The following C5 variants were observed in gnomAD, a reference collection of about 807,000 sequenced individuals.
The protein encoded by C5 is C3 and PZP-like alpha-2-macroglobulin domain-containing protein 4.
In C5, 140 loss-of-function variants were observed where a neutral mutation model predicts 218.8. The observed-to-expected ratio is 0.64, with a 90% CI of 0.56 to 0.74. C5 has a LOEUF of 0.74. Among genes scored for constraint, C5 ranks in the 30% least tolerant of loss-of-function variants. The pLI, the probability that C5 is intolerant of heterozygous loss-of-function variation, is 0.00. For missense variants in C5, 1,700 were observed against 1,969.6 expected (o/e 0.86, Z 2.59); for synonymous variants, 614 against 682.3 (o/e 0.90, Z 1.56).
rs1564154714 is a variant in C5, at chr9:121,020,159, A to G, written c.1323T>C (p.Asp441=). ...LEFNVKTDAP[D]LPEENQAREG... is the part of the protein sequence containing the mutation. ...CCCTGGCCTGATTTTCTTCTGGAAG[A>G]TCTGGAGCATCAGTTTTGACCTGAA... The change falls in exon 12 of 41, where the codon GAT becomes GAC. Residue 441 remains aspartate, a synonymous_variant. Coordinates refer to ENST00000223642, the MANE Select transcript of C5 (RefSeq NM_001735.3). The G allele has an allele frequency of 5.0e-6, 8 of 1,613,960 alleles. No individual in the cohort carries two copies. The highest frequency in any genetic ancestry group is 6.8e-6 in the Non-Finnish European group (8 of 1,179,844).
At chr9:121,043,841 C>T (rs1365398665) in intron 2 of C5, among the ~76,000 whole-genome samples, 2 of 151,628 alleles carry the variant, frequency 1.3e-5, no homozygotes, top group Non-Finnish European at 2.9e-5. Flanking sequence ...AGTCACCGTG[C>T]CCATGTGTCC....
At chr9:121,015,938 G>A (rs2047303396) in intron 15 of C5, among the ~76,000 whole-genome samples, 1 of 152,248 alleles carries the variant, frequency 6.6e-6, no homozygotes, top group South Asian at 2.1e-4. Flanking sequence ...AATAAATAAA[G>A]GCCCAAAGGT....
At position 121,017,734 on chromosome 9, in the gene C5, A is replaced by G. The variant is rs777267166; in HGVS notation, c.1625T>C (p.Val542Ala). ...QNMVPSSRLLVYYIVTGEQTA... is the reference protein window; with the variant it reads ...QNMVPSSRLLAYYIVTGEQTA... ...CTGTTCTCCTGTGACGATGTAATAG[A>G]CCAGAAGTCGGGATGAAGGAACCAT... Residue 542 changes from valine (V) to alanine (A), a missense_variant, in exon 13 of 41, where the codon GTC becomes GCC. Physicochemically the swap from Val to Ala is moderately conservative, Grantham distance 64. Coordinates refer to ENST00000223642, the MANE Select transcript of C5 (RefSeq NM_001735.3). 6.2e-7 allele frequency: 1 copy of G among 1,612,388 alleles called. No individual in the cohort carries two copies. The highest frequency in any genetic ancestry group is 1.1e-5 in the South Asian group (1 of 91,034).
chr9:120,976,989 C>A (rs2046958520), intron 28 of C5, 84 bp from the exon 29 acceptor site: 3 of 1,192,276 alleles, frequency 2.5e-6, no homozygotes, highest in Admixed American at 1.9e-5. Context: ...TTATGGCCTT[C>A]CAGTTTCTAG....
In C5 at chr9:120,963,741, A is replaced by G. The variant is rs2046845575; in HGVS notation, c.4221-3T>C. ...ATTCTTCCCTGCTGGGCTTGTAGCT[A>G]AAATAAAAAAGAGGTTAGAAAATAT... On this transcript the variant is annotated splice_polypyrimidine_tract_variant and splice_region_variant and intron_variant, in intron 33 of 40. Transcript: ENST00000223642. 6.2e-7 allele frequency: 1 copy of G among 1,605,146 alleles called. No individual in the cohort carries two copies. Among genetic ancestry groups the G allele is most frequent in the Non-Finnish European group, 8.5e-7 (1 of 1,172,226 alleles).
At chr9:121,074,702 C>A in the C5 span, 1 of 423,386 alleles carries the variant, frequency 2.4e-6, no homozygotes, top group East Asian at 7.0e-5. Flanking sequence ...GCACTGCGGG[C>A]AGCTGCCGCA....
intron 12 of C5, among the ~76,000 whole-genome samples, chr9:121,019,742 AAC>A (rs1447452086): frequency 1.3e-5 from 2 of 152,368 alleles, no homozygotes; most frequent in Middle Eastern, 3.4e-3. Flanking sequence ...CCAGCTGAGT[AAC>A]CATCATAAGT....
intron 4 of C5, among the ~76,000 whole-genome samples, chr9:121,036,850 G>A (rs1251287684): frequency 6.6e-6 from 1 of 151,624 alleles, no homozygotes; most frequent in African/African-American, 2.4e-5. Context: ...TTTTGCACCT[G>A]CATTCTGATA....
intron 33 of C5, among the ~76,000 whole-genome samples, chr9:120,966,787 TA>T (rs1235001441): frequency 2.0e-5 from 3 of 150,846 alleles, no homozygotes; most frequent in Non-Finnish European, 4.4e-5. Flanking sequence ...CAGAAGGAAG[TA>T]GGAAATGCTG....
intron 17 of C5, among the ~76,000 whole-genome samples, chr9:121,012,776 C>T (rs988246828): frequency 3.3e-5 from 5 of 152,112 alleles, no homozygotes; most frequent in African/African-American, 9.7e-5. Context: ...TATAGTATAG[C>T]CTATTTCTCC....
chr9:120,994,880 A>G (rs2131720177), intron 22 of C5, among the ~76,000 whole-genome samples: 1 of 151,814 alleles, frequency 6.6e-6, no homozygotes, highest in African/African-American at 2.4e-5. Context: ...ACTGCTCTGG[A>G]AAATTGTTTG....
chr9:121,050,199 G>C lies in C5; in HGVS notation c.48C>G (p.Thr16=), dbSNP rs1330680346. The C allele has an allele frequency of 1.9e-6, 3 of 1,613,732 alleles. No individual in the cohort carries two copies. The highest frequency in any genetic ancestry group is 4.5e-5 in the East Asian group (2 of 44,850). ...TTACTTACGTTTGCTCCTGTCCCCA[G>C]GTTTTCCCCAGGAAGATTAAAAAAC... ...ILCFLIFLGK[T]WGQEQTYVIS... The change falls in exon 1 of 41, where the codon ACC becomes ACG. Residue 16 remains threonine (T), a synonymous_variant. Coordinates refer to ENST00000223642, the MANE Select transcript of C5 (RefSeq NM_001735.3).
intron 3 of C5, among the ~76,000 whole-genome samples, chr9:121,041,913 G>A (rs2047584852): frequency 1.3e-5 from 2 of 152,094 alleles, no homozygotes; most frequent in African/African-American, 4.8e-5. Context: ...CCCCCTTTAG[G>A]CTTTTCCTTT....
chr9:121,020,399 C>A (rs2131770984), intron 11 of C5, among the ~76,000 whole-genome samples: 1 of 152,120 alleles, frequency 6.6e-6, no homozygotes, highest in East Asian at 1.9e-4. Flanking sequence ...TGGGCTATGG[C>A]GGAAAAGTCT....
intron 20 of C5, among the ~76,000 whole-genome samples, chr9:120,998,240 A>G (rs966153912): frequency 6.6e-6 from 1 of 152,224 alleles, no homozygotes; most frequent in African/African-American, 2.4e-5. Flanking sequence ...ATTTCCTAAC[A>G]TAGACACACA....
intron 25 of C5, among the ~76,000 whole-genome samples, chr9:120,983,596 T>C (rs2047011544): frequency 6.6e-6 from 1 of 152,120 alleles, no homozygotes; most frequent in Non-Finnish European, 1.5e-5. Flanking sequence ...CCTCACATGA[T>C]TCAAAAATCC....
intron 17 of C5, among the ~76,000 whole-genome samples, chr9:121,012,969 G>A (rs990512323): frequency 1.3e-5 from 2 of 152,092 alleles, no homozygotes; most frequent in African/African-American, 2.4e-5. Flanking sequence ...ATGTCATTAC[G>A]CAGCACACAT....
the C5 span, among the ~76,000 whole-genome samples, chr9:121,066,065 A>T: frequency 6.6e-6 from 1 of 152,124 alleles, no homozygotes; most frequent in Non-Finnish European, 1.5e-5. Context: ...CTGTAATCCC[A>T]GCATTTTGGG....
In C5 at chr9:121,023,404, C is replaced by T; in HGVS notation, c.1116G>A (p.Lys372=). 6.3e-7 allele frequency: 1 copy of T among 1,581,284 alleles called. No individual in the cohort carries two copies. The highest frequency in any genetic ancestry group is 8.7e-7 in the Non-Finnish European group (1 of 1,150,206). Reference sequence around the variant, plus strand: ...ACGTCTACCCCCTCACCCAATCTACCTTGATGGGATATGGAATCCCAGGCT... The same window carrying T: ...ACGTCTACCCCCTCACCCAATCTACTTTGATGGGATATGGAATCCCAGGCT... ...FLKPGIPYPI[K]VQVKDSLDQL... is the part of the protein sequence containing the mutation. The change falls in exon 10 of 41, where the codon AAG becomes AAA. Residue 372 remains lysine, a splice_region_variant and synonymous_variant. Coordinates refer to ENST00000223642, the MANE Select transcript of C5 (RefSeq NM_001735.3).
Sources: allele counts gnomAD v4.1 joint callset (sites outside exome capture counted in the v4.1 genomes callset), GRCh38; gene constraint gnomAD v4.1.1; transcripts MANE v1.5; gene names NCBI Gene and HGNC (gene_info 2026-07-23, HGNC 2026-07-21).